Variants in KDM1B observed in about 807,000 individuals in gnomAD.
The protein encoded by KDM1B is lysine-specific histone demethylase 2.
A neutral mutation model predicts 107.4 loss-of-function variants in KDM1B; 63 were observed. The ratio of observed to expected loss-of-function variants is 0.59; its 90% CI spans 0.48 to 0.72. The LOEUF is 0.72. Ranked by LOEUF, KDM1B falls within the 30% of genes least tolerant of loss-of-function variation. The pLI is 0.00. For missense variants in KDM1B, 749 were observed against 1,020.8 expected (o/e 0.73, Z 3.63); for synonymous variants, 363 against 363.9 (o/e 1.00, Z 0.03).
rs939918052 is a variant in KDM1B, at chr6:18,212,745, G to A, written c.1983+141G>A. On this transcript the variant is annotated intron_variant, in intron 18 of 21. Coordinates refer to ENST00000650836, the MANE Select transcript of KDM1B (RefSeq NM_001364614.2). The surrounding 1 kb of genome is among the most constrained non-coding windows in gnomAD (Gnocchi z 5.2). ...TTCCTTTTCATTTGAGTAATTGTTCGTGAAGAACACAGAAGAATATTATCA... is the reference window on the plus strand; with the variant it reads ...TTCCTTTTCATTTGAGTAATTGTTCATGAAGAACACAGAAGAATATTATCA... 2.5e-5 allele frequency: 17 copies of A among 681,522 alleles called. No individual in the cohort carries two copies. The highest frequency in any genetic ancestry group is 7.2e-5 in the African/African-American group (4 of 55,722). 42.2% of individuals were successfully genotyped at this position (681,522 alleles called of 1,614,324 possible).
At position 18,191,095 on chromosome 6, in the gene KDM1B, G is replaced by A; in HGVS notation, c.785-102G>A. The A allele has an allele frequency of 1.1e-6, 1 of 925,178 alleles. No individual in the cohort carries two copies. The highest frequency in any genetic ancestry group is 1.6e-6 in the Non-Finnish European group (1 of 609,224). 57.3% of individuals were successfully genotyped at this position (925,178 alleles called of 1,614,324 possible). ...AAGGTATTTATGTAGGGTAGAGAGT[G>A]GAGCTTGTCTAGGCTTACTTTTTGG... is the stretch of plus-strand genomic sequence containing the variant. On this transcript the variant is annotated intron_variant, in intron 9 of 21. Coordinates refer to ENST00000650836, the MANE Select transcript of KDM1B (RefSeq NM_001364614.2). This position sits in a 1 kb window ranked among gnomAD's most constrained non-coding sequence, Gnocchi z 5.1.
chr6:18,199,699 CTTT>C (rs10706835), intron 12 of KDM1B, among the ~76,000 whole-genome samples: 8 of 139,350 alleles, frequency 5.7e-5, no homozygotes, highest in African/African-American at 2.1e-4. Context: ...GAGTGGCATA[CTTT>C]TTTTTTTTTT....
At chr6:18,171,749 C>T (rs1785677422) in intron 7 of KDM1B, among the ~76,000 whole-genome samples, 1 of 152,158 alleles carries the variant, frequency 6.6e-6, no homozygotes, top group African/African-American at 2.4e-5. Flanking sequence ...GCTTCCACTC[C>T]AGCCACCTGT....
Position 18,212,346 on chromosome 6 carries a change from C to G in KDM1B, c.1867-142C>G, listed in dbSNP as rs958434698. On this transcript the variant is annotated intron_variant, in intron 17 of 21. Transcript: ENST00000650836. This position sits in a 1 kb window ranked among gnomAD's most constrained non-coding sequence, Gnocchi z 5.2. ...TTCTGCTTAGCCAGGCATTGGCACC[C>G]TTGTGCAGTGAGCAACCTGCACAGT... 1 of 709,936 alleles carries G rather than the reference C, an allele frequency of 1.4e-6. No homozygotes were observed. The highest frequency in any genetic ancestry group is 2.6e-6 in the Non-Finnish European group (1 of 390,596). The allele number at this position is 709,936 out of a possible 1,614,324, so 44.0% of individuals were successfully genotyped here.
At chr6:18,183,227 G>GC (rs1325564353) in intron 7 of KDM1B, among the ~76,000 whole-genome samples, 6 of 145,838 alleles carry the variant, frequency 4.1e-5, no homozygotes, top group Non-Finnish European at 9.0e-5. Context: ...TCCTTCCCTT[G>GC]CAGGGGTAAA....
chr6:18,191,287 A>G lies in KDM1B; in HGVS notation c.875A>G (p.Asp292Gly), dbSNP rs767831735. 6.4e-7 allele frequency: 1 copy of G among 1,550,844 alleles called. No homozygotes were observed. Among genetic ancestry groups the G allele is most frequent in the Non-Finnish European group, 8.7e-7 (1 of 1,147,058 alleles). ...LCVRPDVMEL[D>G]ELYEFPEYSR... Reference sequence around the variant, plus strand: ...GTGAGGCCGGATGTGATGGAACTGGATGAGCTCTATGAGTTTCCAGAGTAT... The same window carrying G: ...GTGAGGCCGGATGTGATGGAACTGGGTGAGCTCTATGAGTTTCCAGAGTAT... Residue 292 changes from aspartate to glycine, a missense_variant, in exon 10 of 22, where the codon GAT (aspartate) becomes GGT (glycine). By Grantham distance (94) the Asp-to-Gly change is moderately conservative (BLOSUM62 -1). Coordinates refer to ENST00000650836, the MANE Select transcript of KDM1B (RefSeq NM_001364614.2). The surrounding 1 kb of genome is among the most constrained non-coding windows in gnomAD (Gnocchi z 5.1).
At chr6:18,183,392 T>C (rs1301402837) in intron 7 of KDM1B, among the ~76,000 whole-genome samples, 1 of 149,834 alleles carries the variant, frequency 6.7e-6, no homozygotes, top group East Asian at 2.0e-4. Flanking sequence ...CTCAGCCTCC[T>C]GAGTAGCTGG....
At chr6:18,202,446 A>G (rs1169422301) in intron 14 of KDM1B, among the ~76,000 whole-genome samples, 2 of 152,178 alleles carry the variant, frequency 1.3e-5, no homozygotes, top group African/African-American at 4.8e-5. Context: ...TTTTGTACTT[A>G]AATGGGCAAT....
chr6:18,156,429 A>G (rs1490356818), intron 2 of KDM1B, among the ~76,000 whole-genome samples: 1 of 152,172 alleles, frequency 6.6e-6, no homozygotes, highest in Non-Finnish European at 1.5e-5. Context: ...CCCCCACACC[A>G]CGTATACACA....
intron 6 of KDM1B, among the ~76,000 whole-genome samples, chr6:18,169,904 A>ATTT (rs1785544781): frequency 1.3e-5 from 2 of 151,276 alleles, no homozygotes; most frequent in Admixed American, 1.3e-4. Context: ...ATCTTTTTAA[A>ATTT]ATTATTTATT....
intron 16 of KDM1B, among the ~76,000 whole-genome samples, chr6:18,207,733 A>G (rs1788486233): frequency 6.6e-6 from 1 of 152,224 alleles, no homozygotes; most frequent in South Asian, 2.1e-4. Context: ...TAGTGGCCCC[A>G]GTGCATTTCT....
rs976324891 is a variant in KDM1B at position 18,172,614 on chromosome 6, A to G, written c.534+1135A>G. Among the ~76,000 whole-genome samples, 1 of 152,190 alleles carries G rather than the reference A, an allele frequency of 6.6e-6. No individual in the cohort carries two copies. Among genetic ancestry groups the G allele is most frequent in the East Asian group, 1.9e-4 (1 of 5,200 alleles). On this transcript the variant is annotated intron_variant, in intron 7 of 21. Coordinates refer to ENST00000650836, the MANE Select transcript of KDM1B (RefSeq NM_001364614.2). This position sits in a 1 kb window ranked among gnomAD's most constrained non-coding sequence, Gnocchi z 5.2. ...ATCCAAAACACTTCTGGTCCCAAGCATTTCAAATAAGAGAAATTCAACCTG... is the reference window on the plus strand; with the variant it reads ...ATCCAAAACACTTCTGGTCCCAAGCGTTTCAAATAAGAGAAATTCAACCTG...
chr6:18,189,233 T>G (rs1466998914), intron 9 of KDM1B, among the ~76,000 whole-genome samples: 6 of 152,132 alleles, frequency 3.9e-5, no homozygotes, highest in Admixed American at 2.6e-4. Context: ...TATCTTAAGG[T>G]TTTGTTGTTG....
rs1490761398 is a variant in KDM1B, at chr6:18,162,593, GTCT to G, written c.216-237_216-235del. On this transcript the variant is annotated intron_variant, in intron 4 of 21. Transcript: ENST00000650836. The surrounding 1 kb of genome is among the most constrained non-coding windows in gnomAD (Gnocchi z 4.1). ...TAAAACCCTATCATTGCCCCAAGGA[GTCT>G]TCTTAAGACTGCTAAGCCCCAGGCA... Among the ~76,000 whole-genome samples, 1 of 152,100 alleles carries G rather than the reference GTCT, an allele frequency of 6.6e-6. No homozygotes were observed. Among genetic ancestry groups the G allele is most frequent in the African/African-American group, 2.4e-5 (1 of 41,412 alleles).
At chr6:18,157,455 A>T (rs1480449620) in intron 2 of KDM1B, among the ~76,000 whole-genome samples, 1 of 152,190 alleles carries the variant, frequency 6.6e-6, no homozygotes, top group Non-Finnish European at 1.5e-5. Flanking sequence ...AAATTTCAGG[A>T]AACTATACTT....
In KDM1B at chr6:18,161,415, C is replaced by T. The variant is rs146369504; in HGVS notation, c.176C>T (p.Thr59Met). Reference protein sequence around the residue: ...KYRKCEKAGCTATCPVCFASA... With the variant: ...KYRKCEKAGCMATCPVCFASA... Reference sequence around the variant, plus strand: ...AGGAAATGTGAAAAGGCAGGCTGTACGGCAACATGTCCTGTGTGCTTTGCA... The same window carrying T: ...AGGAAATGTGAAAAGGCAGGCTGTATGGCAACATGTCCTGTGTGCTTTGCA... The change falls in exon 4 of 22, where the codon ACG (threonine) becomes ATG (methionine). Residue 59 changes from threonine to methionine, a missense_variant. Physicochemically the swap from Thr to Met is moderately conservative, Grantham distance 81 (BLOSUM62 -1). Transcript: ENST00000650836. The T allele has an allele frequency of 1.1e-4, 181 of 1,613,942 alleles. No individual in the cohort carries two copies. The highest frequency in any genetic ancestry group is 5.0e-4 in the Middle Eastern group (3 of 6,060).
intron 20 of KDM1B, among the ~76,000 whole-genome samples, chr6:18,216,942 G>A (rs1209152603): frequency 7.2e-5 from 11 of 152,190 alleles, no homozygotes; most frequent in Non-Finnish European, 1.3e-4. Flanking sequence ...TATTCCTGGC[G>A]GGGAAGAGGG....
intron 7 of KDM1B, among the ~76,000 whole-genome samples, chr6:18,184,808 T>C (rs1410825412): frequency 7.6e-6 from 1 of 131,472 alleles, no homozygotes; most frequent in Non-Finnish European, 1.6e-5. Flanking sequence ...CTGTCACAGC[T>C]CACTGCAGCC....
chr6:18,157,712 A>G (rs1378094607), intron 2 of KDM1B, among the ~76,000 whole-genome samples: 2 of 151,248 alleles, frequency 1.3e-5, no homozygotes, highest in Non-Finnish European at 1.5e-5. Context: ...ATTAATATTT[A>G]TATGTGTCTA....
Sources: gnomAD v4.1 joint callset for allele counts (sites outside exome capture counted in the v4.1 genomes callset) on GRCh38, gnomAD v4.1.1 for gene constraint, Gnocchi (gnomAD v3.1) non-coding constraint, MANE v1.5 for transcripts, NCBI Gene and HGNC (gene_info 2026-07-23, HGNC 2026-07-21) for gene names.